PACRG: variants seen among roughly 807,000 people sequenced by gnomAD.
The protein encoded by PACRG is parkin coregulated gene protein.
A neutral mutation model predicts 29.7 loss-of-function variants in PACRG; 29 were observed. The observed-to-expected ratio is 0.98, with a 90% CI of 0.73 to 1.33. PACRG has a LOEUF of 1.33. PACRG is among the 40% of genes most tolerant of loss of function. PACRG has a pLI of 0.00. For missense variants in PACRG, 279 were observed against 316.2 expected (o/e 0.88, Z 0.89); for synonymous variants, 116 against 118.7 (o/e 0.98, Z 0.15).
At chr6:162,748,135 T>TA (rs1373586161) in intron 1 of PACRG, among the ~76,000 whole-genome samples, 1 of 152,100 alleles carries the variant, frequency 6.6e-6, no homozygotes, top group African/African-American at 2.4e-5. Flanking sequence ...CATTTGTCAT[T>TA]AAAGAAAGTG....
intron 3 of PACRG, among the ~76,000 whole-genome samples, chr6:163,081,988 A>C (rs754014024): frequency 3.9e-5 from 6 of 152,170 alleles, no homozygotes; most frequent in Non-Finnish European, 8.8e-5. Context: ...TGGTAATATC[A>C]TTACATATAA....
chr6:162,787,706 T>C (rs1392229988), intron 1 of PACRG, among the ~76,000 whole-genome samples: 3 of 149,568 alleles, frequency 2.0e-5, no homozygotes, highest in African/African-American at 4.9e-5. Flanking sequence ...ACCAACATAA[T>C]GGTATCCATG....
chr6:163,278,898 T>C (rs1355282191), intron 4 of PACRG, among the ~76,000 whole-genome samples: 1 of 152,102 alleles, frequency 6.6e-6, no homozygotes, highest in African/African-American at 2.4e-5. Context: ...GATTGGAATT[T>C]CTTTGTTTCT....
chr6:163,022,715 A>G (rs1016758077), intron 2 of PACRG, among the ~76,000 whole-genome samples: 1 of 152,368 alleles, frequency 6.6e-6, no homozygotes, highest in Non-Finnish European at 1.5e-5. Flanking sequence ...TTTTCCTCAC[A>G]GTATTCAACA....
Position 163,210,584 on chromosome 6 carries a change from A to G in PACRG, c.614-104243A>G, listed in dbSNP as rs367801605. Among the ~76,000 whole-genome samples, 3 of 152,246 alleles carry G rather than the reference A, an allele frequency of 2.0e-5. No individual in the cohort carries two copies. In the East Asian group the frequency reaches 5.8e-4, roughly 29 times the overall value. ...CTTCCTCTTCCAAAGCACATGGATG[A>G]TATCTACTGCAGAGGCATGTTGAAG... On this transcript the variant is annotated intron_variant, in intron 4 of 4. Coordinates refer to ENST00000366888, the MANE Select transcript of PACRG (RefSeq NM_001080379.2).
intron 2 of PACRG, among the ~76,000 whole-genome samples, chr6:163,025,741 C>G (rs928937442): frequency 2.6e-5 from 4 of 152,204 alleles, no homozygotes; most frequent in African/African-American, 9.7e-5. Context: ...GGCTGTGGTT[C>G]CCAACAGGAT....
At position 163,314,965 on chromosome 6, in the gene PACRG, A is replaced by G; in HGVS notation, c.752A>G (p.Tyr251Cys). 6.2e-7 allele frequency: 1 copy of G among 1,613,860 alleles called. No homozygotes were observed. The highest frequency in any genetic ancestry group is 2.2e-5 in the East Asian group (1 of 44,866). Residue 251 changes from tyrosine to cysteine, a missense_variant, in exon 5 of 5, where the codon TAC (tyrosine) becomes TGC (cysteine). Coordinates refer to ENST00000366888, the MANE Select transcript of PACRG (RefSeq NM_001080379.2). ...AACATTAAGTACGTGGTCCCAACCT[A>G]CGAGTCTTGCTTGCTAAACTAACAG... is the stretch of plus-strand genomic sequence containing the variant. ...FINIKYVVPT[Y>C]ESCLLN
intron 1 of PACRG, among the ~76,000 whole-genome samples, chr6:162,804,019 A>T (rs1786104003): frequency 6.6e-6 from 1 of 152,216 alleles, no homozygotes; most frequent in South Asian, 2.1e-4. Flanking sequence ...ATTAAATACA[A>T]AATTTTGATA....
chr6:162,912,015 A>G (rs1046430770), intron 2 of PACRG, among the ~76,000 whole-genome samples: 1 of 152,218 alleles, frequency 6.6e-6, no homozygotes, highest in Admixed American at 6.5e-5. Context: ...CTGGCCAAAC[A>G]AAATGGTGGC....
At chr6:162,988,175 G>C (rs1204685809) in intron 2 of PACRG, among the ~76,000 whole-genome samples, 1 of 152,210 alleles carries the variant, frequency 6.6e-6, no homozygotes, top group Non-Finnish European at 1.5e-5. Context: ...CTCCATCCAA[G>C]TGGGAGCTGC....
At chr6:163,156,939 A>C (rs1778347026) in intron 4 of PACRG, among the ~76,000 whole-genome samples, 1 of 152,172 alleles carries the variant, frequency 6.6e-6, no homozygotes, top group Non-Finnish European at 1.5e-5. Flanking sequence ...GATTATCCAA[A>C]AGGATCTCCC....
chr6:163,242,038 G>T (rs559255793), intron 4 of PACRG, among the ~76,000 whole-genome samples: 1 of 151,972 alleles, frequency 6.6e-6, no homozygotes, highest in East Asian at 1.9e-4. Flanking sequence ...AACCAATGAT[G>T]TTAGCTGAGG....
intron 4 of PACRG, among the ~76,000 whole-genome samples, chr6:163,197,554 C>T (rs1290276411): frequency 6.6e-6 from 1 of 150,876 alleles, no homozygotes. Flanking sequence ...CGCCATTCTC[C>T]TGCCTCAGCC....
At chr6:163,188,123 G>A (rs566933691) in intron 4 of PACRG, among the ~76,000 whole-genome samples, 7 of 152,282 alleles carry the variant, frequency 4.6e-5, no homozygotes, top group African/African-American at 1.7e-4. Context: ...AGGGAACTAT[G>A]TGATCTGTGC....
At chr6:162,913,294 A>G (rs1486239547) in intron 2 of PACRG, among the ~76,000 whole-genome samples, 1 of 152,214 alleles carries the variant, frequency 6.6e-6, no homozygotes, top group Non-Finnish European at 1.5e-5. Context: ...ACATAGAGGT[A>G]ATCATACAAC....
chr6:162,829,889 A>T (rs1038211523), intron 2 of PACRG, among the ~76,000 whole-genome samples: 1 of 152,098 alleles, frequency 6.6e-6, no homozygotes, highest in African/African-American at 2.4e-5. Context: ...CTCAATCCCT[A>T]CTTTGGACTT....
chr6:163,094,762 C>G (rs182914068), intron 4 of PACRG, among the ~76,000 whole-genome samples: 12 of 152,286 alleles, frequency 7.9e-5, no homozygotes, highest in Admixed American at 3.9e-4. Context: ...CATGGGGTAG[C>G]TGTTCTACTT....
intron 4 of PACRG, among the ~76,000 whole-genome samples, chr6:163,173,712 G>A (rs970701938): frequency 3.9e-5 from 6 of 152,162 alleles, no homozygotes; most frequent in African/African-American, 9.7e-5. Flanking sequence ...TTTCAAGGTC[G>A]CCCTCTCCAC....
At chr6:163,167,968 A>G (rs1362335483) in intron 4 of PACRG, among the ~76,000 whole-genome samples, 1 of 152,214 alleles carries the variant, frequency 6.6e-6, no homozygotes, top group East Asian at 1.9e-4. Flanking sequence ...TAGTTCCCAT[A>G]GGTTTCCAAT....
Sources: allele counts gnomAD v4.1 joint callset (sites outside exome capture counted in the v4.1 genomes callset), GRCh38; gene constraint gnomAD v4.1.1; transcripts MANE v1.5; gene names NCBI Gene and HGNC (gene_info 2026-07-23, HGNC 2026-07-21).